KIF9: variants seen among roughly 807,000 people sequenced by gnomAD.
The protein encoded by KIF9 is kinesin-like protein KIF9.
Under a neutral mutation model 94.8 loss-of-function variants are expected in KIF9, and 68 were observed. That is an observed-to-expected ratio of 0.72 (90% confidence interval 0.59 to 0.88). The LOEUF is 0.88. KIF9 is among the 40% of genes least tolerant of loss of function. The probability of loss-of-function intolerance (pLI) is 0.00; values close to 1 mark genes in which losing one functional copy is unlikely to be tolerated. For missense variants in KIF9, 882 were observed against 982.5 expected, an observed-to-expected ratio of 0.90 and a Z score of 1.37; for synonymous variants, 343 against 362.1, an observed-to-expected ratio of 0.95 and a Z score of 0.60.
intron 17 of KIF9, among the ~76,000 whole-genome samples, chr3:47,237,159 A>G (rs977131924): frequency 3.9e-5 from 6 of 152,156 alleles, no homozygotes; most frequent in Non-Finnish European, 7.4e-5. Flanking sequence ...CAGTGGCACA[A>G]TCTCGGCTCA....
rs562470963 is a variant in KIF9, at chr3:47,236,055, A to G, written c.2196T>C (p.Pro732=). ...TCACCAGAGACACAATCCTGTTCAC[A>G]GGGACCATGCCTGGCCGGATGCTGC... ...PGGSIRPGMV[P]VNRIVSLGED... Residue 732 remains proline, a synonymous_variant, in exon 19 of 21, where the codon CCT becomes CCC. Coordinates refer to ENST00000684063, the MANE Select transcript of KIF9 (RefSeq NM_182902.4). The G allele has an allele frequency of 6.2e-7, 1 of 1,613,970 alleles. No homozygotes were observed. The highest frequency in any genetic ancestry group is 1.1e-5 in the South Asian group (1 of 91,076).
In KIF9 at chr3:47,228,654, A is replaced by G; in HGVS notation, c.2371T>C (p.Ter791GlnextTer18). 1 of 1,613,578 alleles carries G rather than the reference A, an allele frequency of 6.2e-7. No individual in the cohort carries two copies. The highest frequency in any genetic ancestry group is 8.5e-7 in the Non-Finnish European group (1 of 1,179,626). Residue 791 changes from the stop codon to glutamine, a stop_lost, in exon 21 of 21, where the codon TAG becomes CAG. Coordinates refer to ENST00000684063, the MANE Select transcript of KIF9 (RefSeq NM_182902.4). The part of the protein sequence containing the change: ...MMGLQQAHRK[*>Q] ...TTTAAGGTACTGGCGATGAGGTTCT[A>G]TTTTCTATGTGCCTGCTGGAGGCCC... is the stretch of plus-strand genomic sequence containing the variant.
At chr3:47,236,338 C>A in intron 18 of KIF9, 105 bp downstream of exon 18, 1 of 1,319,402 alleles carries the variant, frequency 7.6e-7, no homozygotes. Context: ...CAGCCCCTGG[C>A]TCTGCCAGAG....
In KIF9 at chr3:47,267,083, A is replaced by C. The variant is rs1243380462; in HGVS notation, c.676-15T>G. The C allele has an allele frequency of 6.2e-7, 1 of 1,611,616 alleles. No homozygotes were observed. The highest frequency in any genetic ancestry group is 8.5e-7 in the Non-Finnish European group (1 of 1,177,892). Reference sequence around the variant, plus strand: ...CGGGAATGGGCCTACAAAACATCCAAGCAGAAGTTAGACTGTCACAGGGAG... The same window carrying C: ...CGGGAATGGGCCTACAAAACATCCACGCAGAAGTTAGACTGTCACAGGGAG... On this transcript the variant is annotated splice_polypyrimidine_tract_variant and intron_variant, in intron 6 of 20. Coordinates refer to ENST00000684063, the MANE Select transcript of KIF9 (RefSeq NM_182902.4).
At chr3:47,254,914 G>A (rs1050361514) in intron 10 of KIF9, among the ~76,000 whole-genome samples, 4 of 152,196 alleles carry the variant, frequency 2.6e-5, no homozygotes, top group Admixed American at 6.5e-5. Context: ...TGGATCTAGT[G>A]ACCTGTGGTT....
rs1212546425 is a variant in KIF9, at chr3:47,236,549, G to A, written c.1995C>T (p.Asp665=). ...ACTCGCTGCGGTACTGCTTCTTGAG[G>A]TCTTTGAGCTTGAGGATCAGCAGGA... ...EEFLLILKLK[D]LKKQYRSEYQ... Residue 665 remains aspartate (D), a synonymous_variant, in exon 18 of 21, where the codon GAC becomes GAT. Coordinates refer to ENST00000684063, the MANE Select transcript of KIF9 (RefSeq NM_182902.4). 6.2e-7 allele frequency: 1 copy of A among 1,614,064 alleles called. No individual in the cohort carries two copies. The highest frequency in any genetic ancestry group is 8.5e-7 in the Non-Finnish European group (1 of 1,179,982).
In KIF9 at chr3:47,282,469, C is replaced by A. The variant is rs1048756820; in HGVS notation, c.-6+26G>T. 14 of 989,760 alleles carry A rather than the reference C, an allele frequency of 1.4e-5. No individual in the cohort carries two copies. The African/African-American group carries it at 2.4e-4, about 17-fold the overall frequency. 61.3% of individuals were successfully genotyped at this position (989,760 alleles called of 1,614,324 possible). A position where few individuals can be genotyped will look rare whatever the true frequency, so the allele number is the denominator to read the frequency against. ...CACACCCTTTTCCCGTCTCCCCACT[C>A]CCACCGGCGAGCAGCCCCTGCTCAC... On this transcript the variant is annotated intron_variant, in intron 1 of 20. Transcript: ENST00000684063.
chr3:47,263,795 C>T (rs1035564312), intron 9 of KIF9: 1 of 455,166 alleles, frequency 2.2e-6, no homozygotes, highest in Admixed American at 2.4e-5. Flanking sequence ...GGCCCAAGGG[C>T]ATTTAAGACT....
At chr3:47,268,020 C>T (rs2107459161) in intron 5 of KIF9, among the ~76,000 whole-genome samples, 1 of 151,746 alleles carries the variant, frequency 6.6e-6, no homozygotes, top group East Asian at 1.9e-4. Context: ...TACCAGCGTG[C>T]ACTACCACAC....
chr3:47,248,115 C>A (rs749860475), intron 10 of KIF9, 29 bp from the exon 11 acceptor site: 1 of 1,560,618 alleles, frequency 6.4e-7, no homozygotes, highest in Non-Finnish European at 8.8e-7. Context: ...GGGTGGGGGC[C>A]GACAGGAAGG....
intron 15 of KIF9, 49 bp downstream of exon 15, chr3:47,244,742 C>A: frequency 6.2e-7 from 1 of 1,607,584 alleles, no homozygotes; most frequent in Non-Finnish European, 8.5e-7. Context: ...CCCATGCACC[C>A]ACCGAGGAGG....
intron 15 of KIF9, chr3:47,243,637 G>A (rs1208578504): frequency 6.2e-6 from 1 of 160,598 alleles, no homozygotes; most frequent in African/African-American, 2.4e-5. Flanking sequence ...CACACAGGGT[G>A]GTTCTGTCTG....
At position 47,264,294 on chromosome 3, in the gene KIF9, C is replaced by T. The variant is rs1298268982; in HGVS notation, c.973G>A (p.Glu325Lys). 1.2e-6 allele frequency: 2 copies of T among 1,612,906 alleles called. No individual in the cohort carries two copies. Among genetic ancestry groups the T allele is most frequent in the African/African-American group, 2.7e-5 (2 of 74,896 alleles). ...TGACTGTCTTTACATACCGTTTCTT[C>T]TAACTGGGCAGCTTCTCCATAGATG... Reference protein sequence around the residue: ...TNIYGEAAQLEETLSSLRFAS... With the variant: ...TNIYGEAAQLKETLSSLRFAS... The change falls in exon 9 of 21, where the codon GAA becomes AAA. Residue 325 changes from glutamate (E) to lysine (K), a missense_variant. By Grantham distance (56) the Glu-to-Lys change is moderately conservative. Transcript: ENST00000684063.
In KIF9 at chr3:47,228,078, A is replaced by G. The variant is rs568482167; in HGVS notation, c.*574T>C. ...TTTCTGGTCTCTGTGGCTAGACCTTATCCTCCCCTGGTTGCCAAATGAAGG... is the reference window on the plus strand; with the variant it reads ...TTTCTGGTCTCTGTGGCTAGACCTTGTCCTCCCCTGGTTGCCAAATGAAGG... On this transcript the variant is annotated 3_prime_UTR_variant, in exon 21 of 21. Coordinates refer to ENST00000684063, the MANE Select transcript of KIF9 (RefSeq NM_182902.4). 1 of 152,748 alleles carries G rather than the reference A, an allele frequency of 6.5e-6. No individual in the cohort carries two copies. The highest frequency in any genetic ancestry group is 1.5e-5 in the Non-Finnish European group (1 of 68,458). The allele number at this position is 152,748 out of a possible 1,614,324, so 9.5% of individuals were successfully genotyped here. A position where few individuals can be genotyped will look rare whatever the true frequency, so the allele number is the denominator to read the frequency against.
intron 2 of KIF9, among the ~76,000 whole-genome samples, chr3:47,276,084 C>T (rs1436509995): frequency 1.3e-5 from 2 of 152,072 alleles, no homozygotes; most frequent in Admixed American, 1.3e-4. Context: ...AGATGCATGC[C>T]CCTTCATAGT....
rs1172532644 is a variant in KIF9 at position 47,236,595 on chromosome 3, A to G, written c.1949T>C (p.Met650Thr). Residue 650 changes from methionine to threonine, a missense_variant, in exon 18 of 21, where the codon ATG (methionine) becomes ACG (threonine). Coordinates refer to ENST00000684063, the MANE Select transcript of KIF9 (RefSeq NM_182902.4). ...KQGKYENKGL[M>T]IIDEEEFLLI... Reference sequence around the variant, plus strand: ...CAGGAATTCTTCCTCATCGATGATCATCAGCCCCTTGTTTTCGTACTTGCC... The same window carrying G: ...CAGGAATTCTTCCTCATCGATGATCGTCAGCCCCTTGTTTTCGTACTTGCC... 6.2e-7 allele frequency: 1 copy of G among 1,613,860 alleles called. No homozygotes were observed. Among genetic ancestry groups the G allele is most frequent in the African/African-American group, 1.3e-5 (1 of 74,924 alleles).
rs139083698 is a variant in KIF9 at position 47,243,186 on chromosome 3, A to C, written c.1574T>G (p.Val525Gly). The part of the protein sequence containing the change: ...SPVNGKDLDY[V>G]STSKTQLVPS... ...GACCAGCTGGGTCTTGGAGGTGGAA[A>C]CGTAATCCAAGTCCTTCCCATTCAC... The change falls in exon 16 of 21, where the codon GTT (valine) becomes GGT (glycine). Residue 525 changes from valine to glycine, a missense_variant. Physicochemically the swap from Val to Gly is moderately radical, Grantham distance 109. Transcript: ENST00000684063. 1.1e-4 allele frequency: 183 copies of C among 1,613,818 alleles called. 3 individuals are homozygous for C. Among genetic ancestry groups the C allele is most frequent in the Middle Eastern group, 6.7e-4 (4 of 5,988 alleles).
chr3:47,282,413 T>C lies in KIF9; in HGVS notation c.-6+82A>G, dbSNP rs1702447549. 3 of 986,384 alleles carry C rather than the reference T, an allele frequency of 3.0e-6. No homozygotes were observed. In the South Asian group the frequency reaches 1.4e-4, roughly 45 times the overall value. 61.1% of individuals were successfully genotyped at this position (986,384 alleles called of 1,614,324 possible). A position where few individuals can be genotyped will look rare whatever the true frequency, so the allele number is the denominator to read the frequency against. Reference sequence around the variant, plus strand: ...GGGAACCCCCAGATAAAGCGGTTTTTGGACCCCAGCCACTTTCAGCAGTCC... The same window carrying C: ...GGGAACCCCCAGATAAAGCGGTTTTCGGACCCCAGCCACTTTCAGCAGTCC... On this transcript the variant is annotated intron_variant, in intron 1 of 20. Coordinates refer to ENST00000684063, the MANE Select transcript of KIF9 (RefSeq NM_182902.4).
intron 1 of KIF9, among the ~76,000 whole-genome samples, chr3:47,279,817 C>G (rs991905488): frequency 6.6e-6 from 1 of 151,904 alleles, no homozygotes; most frequent in African/African-American, 2.4e-5. Context: ...TGGGGTTTCA[C>G]CGTGTTAGCC....
Sources: allele counts gnomAD v4.1 joint callset (sites outside exome capture counted in the v4.1 genomes callset), GRCh38; gene constraint gnomAD v4.1.1; transcripts MANE v1.5; gene names NCBI Gene and HGNC (gene_info 2026-07-23, HGNC 2026-07-21).